PIK3R1: variants seen among roughly 807,000 people sequenced by gnomAD.
PIK3R1 encodes the protein phosphatidylinositol 3-kinase regulatory subunit alpha.
Under a neutral mutation model 98.0 loss-of-function variants are expected in PIK3R1, and 29 were observed. The observed-to-expected ratio is 0.30, with a 90% CI of 0.22 to 0.40. The LOEUF (loss-of-function observed/expected upper bound fraction) is 0.40. Ranked by LOEUF, PIK3R1 falls within the 10% of genes least tolerant of loss-of-function variation. The pLI, the probability that PIK3R1 is intolerant of heterozygous loss-of-function variation, is 1.00. For synonymous variants in PIK3R1, 282 were observed against 311.8 expected, an observed-to-expected ratio of 0.90 and a Z score of 1.01; for missense variants, 596 against 872.7, an observed-to-expected ratio of 0.68 and a Z score of 3.99.
In PIK3R1 at chr5:68,296,357, A is replaced by T; in HGVS notation, c.1985+16A>T. ...GCTCTGTAGTGTATGTATCTCCAGCAAACTTTTCTTTACAACATCTCATGA... is the reference window on the plus strand; with the variant it reads ...GCTCTGTAGTGTATGTATCTCCAGCTAACTTTTCTTTACAACATCTCATGA... On this transcript the variant is annotated intron_variant, in intron 15 of 15. Transcript: ENST00000521381. 6.3e-7 allele frequency: 1 copy of T among 1,587,748 alleles called. No homozygotes were observed. The highest frequency in any genetic ancestry group is 8.6e-7 in the Non-Finnish European group (1 of 1,164,260).
chr5:68,246,315 T>A (rs201272674), intron 2 of PIK3R1, among the ~76,000 whole-genome samples: 808 of 29,260 alleles, frequency 0.028, 23 homozygotes, highest in East Asian at 0.091. Context: ...GTGTGTATAT[T>A]TTTTTTTTTT....
At chr5:68,225,104 C>T (rs550216778) in intron 1 of PIK3R1, among the ~76,000 whole-genome samples, 2 of 152,366 alleles carry the variant, frequency 1.3e-5, no homozygotes, top group Non-Finnish European at 2.9e-5. Flanking sequence ...GATGCCTTTG[C>T]AGGATTTAGT....
chr5:68,290,613 G>A (rs1318002965), intron 7 of PIK3R1: 4 of 1,397,740 alleles, frequency 2.9e-6, no homozygotes, highest in Non-Finnish European at 2.8e-6. Context: ...GGCGTGTGAT[G>A]TAATAGGTTT....
intron 2 of PIK3R1, among the ~76,000 whole-genome samples, chr5:68,262,512 A>G (rs1034698467): frequency 8.3e-5 from 9 of 107,960 alleles, no homozygotes; most frequent in African/African-American, 1.6e-4. Flanking sequence ...CTATATATGT[A>G]TACATATAGA....
At chr5:68,293,639 C>T (rs2112261092) in intron 10 of PIK3R1, 70 bp from the exon 11 acceptor site, 1 of 1,215,712 alleles carries the variant, frequency 8.2e-7, no homozygotes, top group Admixed American at 2.4e-5. Context: ...GTTTCCATGT[C>T]AGCTATTTTG....
At chr5:68,270,953 A>G (rs1746331375) in intron 2 of PIK3R1, among the ~76,000 whole-genome samples, 1 of 152,158 alleles carries the variant, frequency 6.6e-6, no homozygotes, top group Admixed American at 6.5e-5. Flanking sequence ...GGACTGTGAA[A>G]CCTTTAAGAC....
chr5:68,226,298 C>T lies in PIK3R1; in HGVS notation c.-378C>T, dbSNP rs908868193. 4 of 412,440 alleles carry T rather than the reference C, an allele frequency of 9.7e-6. No homozygotes were observed. Among genetic ancestry groups the T allele is most frequent in the Non-Finnish European group, 1.7e-5 (4 of 233,392 alleles). The allele number at this position is 412,440 out of a possible 1,614,324, so 25.5% of individuals were successfully genotyped here. A position where few individuals can be genotyped will look rare whatever the true frequency, so the allele number is the denominator to read the frequency against. On this transcript the variant is annotated 5_prime_UTR_variant, in exon 2 of 16. Transcript: ENST00000521381. ...GTTTTTTTCATTCCTAGGTGAAGCT[C>T]GTGTGTGGAGTGCCACGGTACAATC... is the stretch of plus-strand genomic sequence containing the variant.
chr5:68,296,018 T>G, intron 14 of PIK3R1, 153 bp from the exon 15 acceptor site: 2 of 649,386 alleles, frequency 3.1e-6, no homozygotes, highest in Non-Finnish European at 5.2e-6. Context: ...AGAGGAAAAC[T>G]CAGGTCGGGC....
intron 11 of PIK3R1, 22 bp from the exon 12 acceptor site, chr5:68,294,514 T>C (rs1329919122): frequency 6.3e-7 from 1 of 1,580,312 alleles, no homozygotes; most frequent in Non-Finnish European, 8.6e-7. Flanking sequence ...TATGACATTA[T>C]CTTTTTAAAA....
chr5:68,274,392 C>A (rs1216026250), intron 4 of PIK3R1, among the ~76,000 whole-genome samples: 1 of 152,198 alleles, frequency 6.6e-6, no homozygotes, highest in Admixed American at 6.5e-5. Flanking sequence ...TATTTTTAAG[C>A]CTATGTCACT....
chr5:68,228,496 A>G (rs1408401491), intron 2 of PIK3R1, among the ~76,000 whole-genome samples: 2 of 152,220 alleles, frequency 1.3e-5, no homozygotes, highest in Non-Finnish European at 2.9e-5. Flanking sequence ...TTGCAGATCA[A>G]TCAAAAAACC....
chr5:68,273,931 T>C lies in PIK3R1; in HGVS notation c.428-8T>C. The C allele has an allele frequency of 6.2e-7, 1 of 1,611,792 alleles. No individual in the cohort carries two copies. Among genetic ancestry groups the C allele is most frequent in the South Asian group, 1.1e-5 (1 of 91,048 alleles). ...CATACATGGTCTGTGGTCTGTTTTG[T>C]GTCCTAGGTCTGGAATGTTCAACTC... is the stretch of plus-strand genomic sequence containing the variant. On this transcript the variant is annotated splice_region_variant and splice_polypyrimidine_tract_variant and intron_variant, in intron 3 of 15. Coordinates refer to ENST00000521381, the MANE Select transcript of PIK3R1 (RefSeq NM_181523.3).
intron 4 of PIK3R1, among the ~76,000 whole-genome samples, chr5:68,277,060 GA>G (rs1173682572): frequency 2.0e-5 from 3 of 152,178 alleles, no homozygotes; most frequent in Non-Finnish European, 4.4e-5. Context: ...CTGAGGGAGG[GA>G]TGTGTGCATA....
chr5:68,281,372 A>G (rs1746829439), intron 7 of PIK3R1, among the ~76,000 whole-genome samples: 1 of 152,078 alleles, frequency 6.6e-6, no homozygotes, highest in Non-Finnish European at 1.5e-5. Context: ...ATTACTATAT[A>G]ATTTAAAGTA....
chr5:68,274,529 C>T (rs79715948), intron 4 of PIK3R1, among the ~76,000 whole-genome samples: 3,091 of 151,902 alleles, frequency 0.02, 83 homozygotes, highest in African/African-American at 0.069. Context: ...AGTAACATCA[C>T]GATATTGTTA....
At chr5:68,276,725 G>C (rs1746586067) in intron 4 of PIK3R1, among the ~76,000 whole-genome samples, 1 of 152,158 alleles carries the variant, frequency 6.6e-6, no homozygotes. Context: ...ATAAGGTAAG[G>C]TTACCCAAAG....
In PIK3R1 at chr5:68,293,739, G is replaced by A. The variant is rs2112262757; in HGVS notation, c.1330G>A (p.Ala444Thr). The A allele has an allele frequency of 6.7e-7, 1 of 1,497,750 alleles. No homozygotes were observed. Among genetic ancestry groups the A allele is most frequent in the South Asian group, 1.2e-5 (1 of 83,918 alleles). The allele number at this position is 1,497,750 out of a possible 1,614,324, so 92.8% of individuals were successfully genotyped here. A position where few individuals can be genotyped will look rare whatever the true frequency, so the allele number is the denominator to read the frequency against. The change falls in exon 11 of 16, where the codon GCT (alanine) becomes ACT (threonine). Residue 444 changes from alanine to threonine, a missense_variant. Coordinates refer to ENST00000521381, the MANE Select transcript of PIK3R1 (RefSeq NM_181523.3). ...AGTTGTCAAAGAAGATAATATTGAAGCTGTAGGGAAAAAATTACATGAATA... is the reference window on the plus strand; with the variant it reads ...AGTTGTCAAAGAAGATAATATTGAAACTGTAGGGAAAAAATTACATGAATA... ...DQVVKEDNIE[A>T]VGKKLHEYNT... is the part of the protein sequence containing the mutation.
At chr5:68,236,319 G>A (rs1196583579) in intron 2 of PIK3R1, among the ~76,000 whole-genome samples, 7 of 149,496 alleles carry the variant, frequency 4.7e-5, no homozygotes, top group African/African-American at 9.9e-5. Flanking sequence ...GCACGATCTC[G>A]GCTCACTGCA....
Position 68,273,452 on chromosome 5 carries a change from A to G in PIK3R1, c.397A>G (p.Ile133Val), listed in dbSNP as rs765134697. The G allele has an allele frequency of 3.1e-6, 5 of 1,613,896 alleles. No individual in the cohort carries two copies. The South Asian group carries it at 5.5e-5, about 18-fold the overall frequency. ...APPDIAPPLL[I>V]KLVEAIEKKG... Reference sequence around the variant, plus strand: ...TCCTGACATTGCCCCGCCTCTTCTTATCAAGCTCGTGGAAGCCATTGAAAA... The same window carrying G: ...TCCTGACATTGCCCCGCCTCTTCTTGTCAAGCTCGTGGAAGCCATTGAAAA... The change falls in exon 3 of 16, where the codon ATC becomes GTC. Residue 133 changes from isoleucine (I) to valine (V), a missense_variant. Physicochemically the swap from Ile to Val is conservative, Grantham distance 29. Transcript: ENST00000521381.
Sources: allele counts gnomAD v4.1 joint callset (sites outside exome capture counted in the v4.1 genomes callset), GRCh38; gene constraint gnomAD v4.1.1; transcripts MANE v1.5; gene names NCBI Gene and HGNC (gene_info 2026-07-23, HGNC 2026-07-21).